The following DOCK3 variants were observed in gnomAD, a reference collection of about 807,000 sequenced individuals.
DOCK3 encodes the protein dedicator of cytokinesis protein 3.
Under a neutral mutation model 265.6 loss-of-function variants are expected in DOCK3, and 60 were observed. The ratio of observed to expected loss-of-function variants is 0.23; its 90% CI spans 0.18 to 0.28. The LOEUF is 0.28. Ranked by LOEUF, DOCK3 falls within the 10% of genes least tolerant of loss-of-function variation. The probability of loss-of-function intolerance (pLI) is 1.00; values close to 1 mark genes in which losing one functional copy is unlikely to be tolerated. For synonymous variants in DOCK3, 881 were observed against 938.0 expected (o/e 0.94, Z 1.11); for missense variants, 1,981 against 2,594.3 (o/e 0.76, Z 5.14).
At chr3:51,249,581 C>A (rs1292271664) in intron 22 of DOCK3, among the ~76,000 whole-genome samples, 2 of 118,080 alleles carry the variant, frequency 1.7e-5, no homozygotes, top group Admixed American at 7.8e-5. Flanking sequence ...CGGCCAGCCG[C>A]CCAGTCCGGG....
intron 5 of DOCK3, among the ~76,000 whole-genome samples, chr3:50,977,516 G>T (rs937922123): frequency 1.3e-5 from 2 of 152,200 alleles, no homozygotes; most frequent in African/African-American, 2.4e-5. Flanking sequence ...GAGATCCCCT[G>T]TTAGTCTGAT....
chr3:50,899,999 C>T (rs1575480481), intron 4 of DOCK3, among the ~76,000 whole-genome samples: 1 of 152,052 alleles, frequency 6.6e-6, no homozygotes, highest in Non-Finnish European at 1.5e-5. Flanking sequence ...CTCTGTATTT[C>T]CTGAATTTGA....
At chr3:50,772,768 A>C (rs1241128581) in intron 1 of DOCK3, among the ~76,000 whole-genome samples, 1 of 152,206 alleles carries the variant, frequency 6.6e-6, no homozygotes, top group African/African-American at 2.4e-5. Context: ...AACTAATGTT[A>C]TTAATGACAA....
intron 1 of DOCK3, among the ~76,000 whole-genome samples, chr3:50,772,781 AC>A (rs2041354830): frequency 6.6e-6 from 1 of 152,160 alleles, no homozygotes; most frequent in Non-Finnish European, 1.5e-5. Flanking sequence ...AATGACAAAA[AC>A]TGAAGAGGAC....
intron 15 of DOCK3, among the ~76,000 whole-genome samples, chr3:51,226,764 A>G (rs2090346078): frequency 1.3e-5 from 2 of 152,170 alleles, no homozygotes; most frequent in South Asian, 4.1e-4. Context: ...CTTCATGGCA[A>G]TATTTGGGAG....
At chr3:50,678,190 G>A (rs1409812759) in intron 1 of DOCK3, among the ~76,000 whole-genome samples, 1 of 151,892 alleles carries the variant, frequency 6.6e-6, no homozygotes, top group Non-Finnish European at 1.5e-5. Context: ...GTAAGGTACT[G>A]TTCTTTACTG....
intron 49 of DOCK3, among the ~76,000 whole-genome samples, chr3:51,370,044 A>G (rs910465839): frequency 6.6e-6 from 1 of 152,190 alleles, no homozygotes; most frequent in Non-Finnish European, 1.5e-5. Flanking sequence ...GAACCAAAAG[A>G]TCGGTGCATG....
At chr3:50,773,482 T>C (rs2041406523) in intron 1 of DOCK3, among the ~76,000 whole-genome samples, 1 of 152,152 alleles carries the variant, frequency 6.6e-6, no homozygotes, top group Non-Finnish European at 1.5e-5. Flanking sequence ...TTTTAAACAA[T>C]GAAGGCTGTT....
intron 1 of DOCK3, among the ~76,000 whole-genome samples, chr3:50,711,272 T>A (rs1419897848): frequency 6.6e-6 from 1 of 151,938 alleles, no homozygotes; most frequent in Non-Finnish European, 1.5e-5. Context: ...TCCTTTTTTT[T>A]TTTTTTTGAG....
At chr3:51,109,414 A>G (rs1312219573) in intron 9 of DOCK3, among the ~76,000 whole-genome samples, 1 of 152,150 alleles carries the variant, frequency 6.6e-6, no homozygotes, top group Non-Finnish European at 1.5e-5. Context: ...ACTCATATCA[A>G]AAAGCTAGAA....
At chr3:50,816,982 G>T (rs551526016) in intron 2 of DOCK3, among the ~76,000 whole-genome samples, 2 of 152,262 alleles carry the variant, frequency 1.3e-5, no homozygotes, top group East Asian at 3.9e-4. Context: ...GCCCTAAAGT[G>T]AAAGCAGGTT....
At chr3:51,177,694 A>T (rs1485444815) in intron 12 of DOCK3, among the ~76,000 whole-genome samples, 3 of 152,178 alleles carry the variant, frequency 2.0e-5, no homozygotes, top group Non-Finnish European at 4.4e-5. Flanking sequence ...AAAAATATGT[A>T]AGATATAAAT....
intron 12 of DOCK3, among the ~76,000 whole-genome samples, chr3:51,181,737 A>T (rs1465086917): frequency 6.6e-6 from 1 of 152,178 alleles, no homozygotes; most frequent in East Asian, 1.9e-4. Context: ...AGGATGCGGG[A>T]TTGAAGAGGA....
chr3:51,115,505 T>C (rs1480491305), intron 9 of DOCK3, among the ~76,000 whole-genome samples: 1 of 152,246 alleles, frequency 6.6e-6, no homozygotes, highest in African/African-American at 2.4e-5. Context: ...GTTTTTTTCT[T>C]GTACATTTGT....
chr3:51,145,246 TACTTTA>T (rs1393173146), intron 9 of DOCK3, among the ~76,000 whole-genome samples: 2 of 151,074 alleles, frequency 1.3e-5, no homozygotes. Flanking sequence ...ATTATTATTA[TACTTTA>T]ACTTTTAGGG....
intron 1 of DOCK3, among the ~76,000 whole-genome samples, chr3:50,755,729 T>A (rs2040118073): frequency 6.6e-6 from 1 of 152,216 alleles, no homozygotes. Flanking sequence ...TATTTGCCTA[T>A]ACTGGACATT....
intron 24 of DOCK3, among the ~76,000 whole-genome samples, chr3:51,272,769 T>C (rs575666574): frequency 4.5e-4 from 68 of 152,036 alleles, no homozygotes; most frequent in Non-Finnish European, 7.2e-4. Flanking sequence ...TGGTAAACAG[T>C]TCTCTCTTCT....
At chr3:50,985,753 GTTTTA>G (rs2077874467) in intron 5 of DOCK3, among the ~76,000 whole-genome samples, 1 of 151,864 alleles carries the variant, frequency 6.6e-6, no homozygotes, top group African/African-American at 2.4e-5. Flanking sequence ...TTAGGTCAGT[GTTTTA>G]TTTTGACAGG....
chr3:51,210,323 A>C (rs2089436405), intron 13 of DOCK3, among the ~76,000 whole-genome samples: 1 of 152,218 alleles, frequency 6.6e-6, no homozygotes. Context: ...AGTGTTAGAA[A>C]GATCTCACTG....
Sources: allele counts gnomAD v4.1 joint callset (sites outside exome capture counted in the v4.1 genomes callset), GRCh38; gene constraint gnomAD v4.1.1; transcripts MANE v1.5; gene names NCBI Gene and HGNC (gene_info 2026-07-23, HGNC 2026-07-21).